Variants in TMOD1 observed in about 807,000 individuals in gnomAD.
The protein encoded by TMOD1 is tropomodulin-1.
In TMOD1, 17 loss-of-function variants were observed where a neutral mutation model predicts 40.6. The observed-to-expected ratio is 0.42, with a 90% CI of 0.29 to 0.63. The LOEUF (loss-of-function observed/expected upper bound fraction) is 0.63, where lower values mean the gene tolerates loss of function less well. TMOD1 is among the 20% of genes least tolerant of loss of function. TMOD1 has a pLI of 0.22. For synonymous variants in TMOD1, 181 were observed against 175.0 expected (o/e 1.03, Z -0.27); for missense variants, 391 against 447.6 (o/e 0.87, Z 1.14).
intron 9 of TMOD1, among the ~76,000 whole-genome samples, 164 bp downstream of exon 9, chr9:97,591,599 C>T (rs962318604): frequency 1.1e-4 from 17 of 152,214 alleles, no homozygotes; most frequent in Non-Finnish European, 2.9e-5. Flanking sequence ...ACCTCATCTC[C>T]ACCCTGGACT....
chr9:97,555,366 C>T (rs1830520052), intron 4 of TMOD1: 1 of 1,249,170 alleles, frequency 8.0e-7, no homozygotes, highest in Admixed American at 4.0e-5. Flanking sequence ...AATCACGCTT[C>T]ATGACGTCAC....
chr9:97,599,935 G>T lies in TMOD1; in HGVS notation c.*237G>T. On this transcript the variant is annotated 3_prime_UTR_variant, in exon 10 of 10. Transcript: ENST00000259365. The stretch of plus-strand genomic sequence containing the variant: ...GAATCTGGTTATTATTTAAAAACTA[G>T]AAGCCCCCAAACCAGCAGATCTTAC... 2.3e-6 allele frequency: 3 copies of T among 1,290,734 alleles called. No individual in the cohort carries two copies. The highest frequency in any genetic ancestry group is 3.0e-6 in the Non-Finnish European group (3 of 1,011,604). 80.0% of individuals were successfully genotyped at this position (1,290,734 alleles called of 1,614,324 possible).
intron 9 of TMOD1, among the ~76,000 whole-genome samples, chr9:97,593,889 G>T (rs1444744473): frequency 6.6e-6 from 1 of 152,014 alleles, no homozygotes; most frequent in Non-Finnish European, 1.5e-5. Context: ...ACTGTTAAAA[G>T]GAGTTAGACC....
At chr9:97,548,429 C>G (rs7855669) in intron 3 of TMOD1, among the ~76,000 whole-genome samples, 12 of 151,776 alleles carry the variant, frequency 7.9e-5, no homozygotes, top group Non-Finnish European at 1.5e-4. Context: ...TTGAAAGGAT[C>G]GCGTGGTCAG....
intron 1 of TMOD1, chr9:97,512,952 T>C (rs545139110): frequency 1.3e-5 from 2 of 152,278 alleles, no homozygotes; most frequent in South Asian, 4.1e-4. Context: ...CAGTGTCTTG[T>C]TTAAAAAAGA....
intron 3 of TMOD1, among the ~76,000 whole-genome samples, chr9:97,548,977 T>C (rs551947653): frequency 6.6e-6 from 1 of 152,308 alleles, no homozygotes; most frequent in African/African-American, 2.4e-5. Flanking sequence ...TACAGTCAGC[T>C]TGGGCTGCTG....
rs1830554391 is a variant in TMOD1, at chr9:97,557,515, G to C, written c.397+4115G>C. 2.0e-5 allele frequency among the ~76,000 whole-genome samples: 3 copies of C among 152,182 alleles called. No individual in the cohort carries two copies. Among genetic ancestry groups the C allele is most frequent in the African/African-American group, 4.8e-5 (2 of 41,456 alleles). ...AGCTATCAGAGACAGGCTTAGCCAG[G>C]CCACCCCCTGGCTTCTGGCTACTTC... On this transcript the variant is annotated intron_variant, in intron 4 of 9. Coordinates refer to ENST00000259365, the MANE Select transcript of TMOD1 (RefSeq NM_003275.4). This position sits in a 1 kb window ranked among gnomAD's most constrained non-coding sequence, Gnocchi z 4.4.
intron 1 of TMOD1, among the ~76,000 whole-genome samples, chr9:97,517,405 G>A (rs998329565): frequency 3.3e-5 from 5 of 152,138 alleles, no homozygotes; most frequent in Non-Finnish European, 7.4e-5. Context: ...GCTGGAGAGT[G>A]GGCTGGGAAG....
intron 8 of TMOD1, among the ~76,000 whole-genome samples, chr9:97,576,929 G>A (rs1201778104): frequency 2.6e-5 from 4 of 152,234 alleles, no homozygotes; most frequent in African/African-American, 9.6e-5. Flanking sequence ...GTGAGCCATC[G>A]CGCCTGGCCC....
Position 97,546,319 on chromosome 9 carries a change from C to A in TMOD1, c.255C>A (p.Val85=). 5 of 1,613,816 alleles carry A rather than the reference C, an allele frequency of 3.1e-6. No homozygotes were observed. The highest frequency in any genetic ancestry group is 2.2e-5 in the South Asian group (2 of 90,996). Residue 85 remains valine, a synonymous_variant, in exon 3 of 10, where the codon GTC becomes GTA. Coordinates refer to ENST00000259365, the MANE Select transcript of TMOD1 (RefSeq NM_003275.4). ...AGTTTAAGGACCGAGAAGATCTGGT[C>A]CCCTACACAGGGGAAAAACGAGGTA... The part of the protein sequence containing the change: ...AKEFKDREDL[V]PYTGEKRGKV...
intron 8 of TMOD1, among the ~76,000 whole-genome samples, chr9:97,569,431 A>G (rs1830785939): frequency 6.6e-6 from 1 of 152,128 alleles, no homozygotes; most frequent in Admixed American, 6.6e-5. Context: ...TGGACCACTA[A>G]GCTCTCCTTC....
At chr9:97,509,067 A>T (rs1359297891) in intron 1 of TMOD1, among the ~76,000 whole-genome samples, 2 of 152,238 alleles carry the variant, frequency 1.3e-5, no homozygotes, top group Admixed American at 6.5e-5. Flanking sequence ...GGCATGGAAC[A>T]GATTCCCCGT....
chr9:97,586,161 G>A (rs1411739387), intron 8 of TMOD1, among the ~76,000 whole-genome samples: 1 of 151,512 alleles, frequency 6.6e-6, no homozygotes, highest in Non-Finnish European at 1.5e-5. Flanking sequence ...CTTTGATGAC[G>A]GTGATGTACA....
intron 3 of TMOD1, among the ~76,000 whole-genome samples, chr9:97,550,789 G>C (rs1254956580): frequency 6.6e-6 from 1 of 151,622 alleles, no homozygotes; most frequent in Admixed American, 6.6e-5. Flanking sequence ...TCACATATAT[G>C]GTTTTTGAAT....
Position 97,568,895 on chromosome 9 carries a change from C to G in TMOD1, c.728C>G (p.Ala243Gly). ...GTRSNDPVAY[A>G]LAEMLKENKV... is the part of the protein sequence containing the mutation. ...CCTTGCTTTCTCTTGTGCTTCAAGG[C>G]CCTTGCTGAGATGCTCAAGGAGAAC... Residue 243 changes from alanine to glycine, a missense_variant and splice_region_variant, in exon 8 of 10, where the codon GCC (alanine) becomes GGC (glycine). Coordinates refer to ENST00000259365, the MANE Select transcript of TMOD1 (RefSeq NM_003275.4). 2 of 1,613,994 alleles carry G rather than the reference C, an allele frequency of 1.2e-6. No homozygotes were observed.
chr9:97,532,417 A>G (rs1250740348), intron 2 of TMOD1, among the ~76,000 whole-genome samples: 1 of 152,140 alleles, frequency 6.6e-6, no homozygotes, highest in Non-Finnish European at 1.5e-5. Context: ...TCCCTCGGGA[A>G]GCCTTTTAGA....
At chr9:97,558,987 ACCG>A (rs1830574168) in intron 4 of TMOD1, among the ~76,000 whole-genome samples, 1 of 152,100 alleles carries the variant, frequency 6.6e-6, no homozygotes, top group Admixed American at 6.5e-5. Flanking sequence ...GTGTAACTTC[ACCG>A]CCTCCATCCC....
chr9:97,574,874 T>G (rs1223507721), intron 8 of TMOD1, among the ~76,000 whole-genome samples: 1 of 152,084 alleles, frequency 6.6e-6, no homozygotes, highest in African/African-American at 2.4e-5. Context: ...TGGAGAACTT[T>G]TGTGTCTAGC....
At chr9:97,589,217 A>G (rs1157825472) in intron 8 of TMOD1, among the ~76,000 whole-genome samples, 2 of 150,848 alleles carry the variant, frequency 1.3e-5, no homozygotes, top group East Asian at 3.9e-4. Flanking sequence ...TTGCTAGTGT[A>G]TAGAAGTACA....
Sources: allele counts gnomAD v4.1 joint callset (sites outside exome capture counted in the v4.1 genomes callset), GRCh38; gene constraint gnomAD v4.1.1; non-coding constraint Gnocchi (gnomAD v3.1); transcripts MANE v1.5; gene names NCBI Gene and HGNC (gene_info 2026-07-23, HGNC 2026-07-21).